The following TNKS variants were observed in gnomAD, a reference collection of about 807,000 sequenced individuals.
TNKS encodes the protein tankyrase, also known as poly [ADP-ribose] polymerase tankyrase-1.
A neutral mutation model predicts 135.8 loss-of-function variants in TNKS; 72 were observed. That is an observed-to-expected ratio of 0.53 (90% CI 0.44 to 0.64). The LOEUF (loss-of-function observed/expected upper bound fraction) is 0.64, where lower values mean the gene tolerates loss of function less well. TNKS is among the 30% of genes least tolerant of loss of function. The pLI is 0.00. For missense variants in TNKS, 1,769 were observed against 1,674.0 expected (o/e 1.06, Z -0.99); for synonymous variants, 849 against 649.3 (o/e 1.31, Z -4.68).
chr8:9,661,618 A>G (rs1801715769), intron 3 of TNKS, among the ~76,000 whole-genome samples: 1 of 152,216 alleles, frequency 6.6e-6, no homozygotes, highest in Admixed American at 6.5e-5. Context: ...TTAGACCTAA[A>G]ACCATAAAAA....
intron 3 of TNKS, among the ~76,000 whole-genome samples, chr8:9,656,112 C>T (rs1453938431): frequency 3.3e-5 from 5 of 152,066 alleles, no homozygotes; most frequent in Admixed American, 6.6e-5. Flanking sequence ...GCCTCAGTAG[C>T]CAATGCGATC....
chr8:9,585,511 G>C (rs938474062), intron 2 of TNKS, among the ~76,000 whole-genome samples: 7 of 152,126 alleles, frequency 4.6e-5, no homozygotes, highest in African/African-American at 1.7e-4. Flanking sequence ...TTTCCAGAAA[G>C]AAGGAATAAG....
intron 22 of TNKS, among the ~76,000 whole-genome samples, chr8:9,763,825 T>G (rs1367010308): frequency 6.6e-6 from 1 of 152,142 alleles, no homozygotes; most frequent in East Asian, 1.9e-4. Context: ...CTAATGCCAT[T>G]GTTATAAGTA....
chr8:9,634,899 C>T (rs776455738), intron 3 of TNKS, among the ~76,000 whole-genome samples: 1 of 152,164 alleles, frequency 6.6e-6, no homozygotes, highest in Non-Finnish European at 1.5e-5. Context: ...ACTGCTCGGC[C>T]GGGCGCGGTG....
At chr8:9,671,946 C>T (rs1230154637) in intron 3 of TNKS, among the ~76,000 whole-genome samples, 1 of 152,126 alleles carries the variant, frequency 6.6e-6, no homozygotes, top group Non-Finnish European at 1.5e-5. Context: ...TCACACAGAC[C>T]TGCTGTATTC....
chr8:9,703,559 C>T (rs1328082245), intron 5 of TNKS, among the ~76,000 whole-genome samples: 1 of 152,114 alleles, frequency 6.6e-6, no homozygotes, highest in Non-Finnish European at 1.5e-5. Flanking sequence ...ATGGTCTCCT[C>T]GTTGATAGCT....
Position 9,561,201 on chromosome 8 carries a change from TTATC to T in TNKS, c.673+4592_673+4595del, listed in dbSNP as rs555960350. Among the ~76,000 whole-genome samples the T allele has an allele frequency of 4.6e-5, 7 of 152,356 alleles. No individual in the cohort carries two copies. In the East Asian group the frequency reaches 9.6e-4, roughly 21 times the overall value. On this transcript the variant is annotated intron_variant, in intron 1 of 26. Coordinates refer to ENST00000310430, the MANE Select transcript of TNKS (RefSeq NM_003747.3). ...TCCAAATATGCTAATTTGCATATCATTATCTAAGTTCAGTATTTGTGTAAAGATT... is the reference window on the plus strand; with the variant it reads ...TCCAAATATGCTAATTTGCATATCATTAAGTTCAGTATTTGTGTAAAGATT...
rs114138405 is a variant in TNKS, at chr8:9,683,088, G to T, written c.1107+2288G>T. Reference sequence around the variant, plus strand: ...AGAAATAATTAACAATTGCTCATCTGTGTGGTTTGAATTGAATAATTCCTA... The same window carrying T: ...AGAAATAATTAACAATTGCTCATCTTTGTGGTTTGAATTGAATAATTCCTA... On this transcript the variant is annotated intron_variant, in intron 5 of 26. Transcript: ENST00000310430. Among the ~76,000 whole-genome samples, 148 of 152,030 alleles carry T rather than the reference G, an allele frequency of 9.7e-4. No individual in the cohort carries two copies. The Middle Eastern group carries it at 0.01, about 10-fold the overall frequency.
chr8:9,653,211 G>A (rs1245433930), intron 3 of TNKS, among the ~76,000 whole-genome samples: 1 of 152,152 alleles, frequency 6.6e-6, no homozygotes, highest in African/African-American at 2.4e-5. Context: ...TCAAATTACT[G>A]TTGTTTATGC....
chr8:9,651,579 C>T (rs547741979), intron 3 of TNKS, among the ~76,000 whole-genome samples: 117 of 152,216 alleles, frequency 7.7e-4, no homozygotes, highest in Non-Finnish European at 1.3e-3. Context: ...GGGATCAGTT[C>T]CAGATTGGAT....
At chr8:9,566,145 C>A (rs1297260488) in intron 1 of TNKS, 2 of 152,064 alleles carry the variant, frequency 1.3e-5, no homozygotes, top group Non-Finnish European at 2.9e-5. Context: ...CTCATGTTGA[C>A]TGTGGAAATT....
chr8:9,765,780 A>G lies in TNKS; in HGVS notation c.3536A>G (p.Glu1179Gly). The G allele has an allele frequency of 6.2e-7, 1 of 1,613,914 alleles. No homozygotes were observed. Among genetic ancestry groups the G allele is most frequent in the Non-Finnish European group, 8.5e-7 (1 of 1,179,866 alleles). Residue 1179 changes from glutamate to glycine, a missense_variant, in exon 24 of 27, where the codon GAG becomes GGG. By Grantham distance (98) the Glu-to-Gly change is moderately conservative. Around this residue, in one of 5 missense-constraint regions of TNKS, gnomAD observed 722 missense variants for 688.9 expected, o/e 1.05. Coordinates refer to ENST00000310430, the MANE Select transcript of TNKS (RefSeq NM_003747.3). ...VSEENHNHHN[E>G]RMLFHGSPFI... is the part of the protein sequence containing the mutation. The stretch of plus-strand genomic sequence containing the variant: ...GAGGAGAATCACAACCATCACAATG[A>G]GCGCATGTTGTTTCATGGTAAGCAG...
chr8:9,719,570 A>G (rs1206454274), intron 11 of TNKS, among the ~76,000 whole-genome samples: 1 of 152,200 alleles, frequency 6.6e-6, no homozygotes, highest in African/African-American at 2.4e-5. Context: ...GACTTCTTGG[A>G]GATGAGGAGA....
chr8:9,747,856 A>C (rs866900891), intron 17 of TNKS, among the ~76,000 whole-genome samples, 168 bp from the exon 18 acceptor site: 3 of 152,238 alleles, frequency 2.0e-5, no homozygotes, highest in African/African-American at 7.2e-5. Context: ...GATGGAGTCC[A>C]AAGTGTAAGT....
chr8:9,650,397 T>G (rs1374714355), intron 3 of TNKS, among the ~76,000 whole-genome samples: 1 of 152,216 alleles, frequency 6.6e-6, no homozygotes, highest in African/African-American at 2.4e-5. Flanking sequence ...TCTCCACACT[T>G]TCTTCCGTAG....
intron 17 of TNKS, among the ~76,000 whole-genome samples, chr8:9,746,941 G>T (rs956573670): frequency 6.8e-6 from 1 of 147,264 alleles, no homozygotes; most frequent in East Asian, 2.0e-4. Flanking sequence ...GCGGTGCGGT[G>T]GTGCAATCTC....
At chr8:9,663,388 A>T (rs1332999838) in intron 3 of TNKS, among the ~76,000 whole-genome samples, 1 of 152,134 alleles carries the variant, frequency 6.6e-6, no homozygotes, top group Non-Finnish European at 1.5e-5. Context: ...ACGTGTGTGT[A>T]TATGTATGTG....
chr8:9,612,216 A>G lies in TNKS; in HGVS notation c.899-3366A>G, dbSNP rs569428706. On this transcript the variant is annotated intron_variant, in intron 2 of 26. Transcript: ENST00000310430. ...GAGAACTGGGTTTTCTTTTTTCCCC[A>G]ATGCATGACAGATCAATAATTTTGT... 1.2e-4 allele frequency among the ~76,000 whole-genome samples: 19 copies of G among 152,256 alleles called. No homozygotes were observed. In the South Asian group the frequency reaches 3.9e-3, roughly 32 times the overall value.
At chr8:9,731,658 C>A (rs116961628) in intron 14 of TNKS, among the ~76,000 whole-genome samples, 1 of 152,012 alleles carries the variant, frequency 6.6e-6, no homozygotes, top group Non-Finnish European at 1.5e-5. Context: ...TGGTGCCTTC[C>A]TATATGGTCT....
Sources: allele counts gnomAD v4.1 joint callset (sites outside exome capture counted in the v4.1 genomes callset), GRCh38; gene constraint gnomAD v4.1.1; regional missense constraint gnomAD v4.1.1; transcripts MANE v1.5; gene names NCBI Gene and HGNC (gene_info 2026-07-23, HGNC 2026-07-21).